NDST3: variants seen among roughly 807,000 people sequenced by gnomAD.
NDST3 encodes the protein N-deacetylase and N-sulfotransferase 3, also known as bifunctional heparan sulfate N-deacetylase/N-sulfotransferase 3.
Under a neutral mutation model 96.1 loss-of-function variants are expected in NDST3, and 58 were observed. That is an observed-to-expected ratio of 0.60 (90% confidence interval 0.49 to 0.75). The LOEUF is 0.75. NDST3 is among the 30% of genes least tolerant of loss of function. NDST3 has a pLI of 0.00. For missense variants in NDST3, 788 were observed against 1,034.2 expected (o/e 0.76, Z 3.27); for synonymous variants, 333 against 359.7 (o/e 0.93, Z 0.84).
chr4:118,223,997 T>C (rs971547887), intron 6 of NDST3, among the ~76,000 whole-genome samples: 1 of 152,190 alleles, frequency 6.6e-6, no homozygotes, highest in Non-Finnish European at 1.5e-5. Context: ...TTTATTTTAT[T>C]ATAAAAAGTT....
chr4:118,173,950 A>C (rs531116562), intron 6 of NDST3, among the ~76,000 whole-genome samples: 2 of 152,164 alleles, frequency 1.3e-5, no homozygotes, highest in Non-Finnish European at 2.9e-5. Flanking sequence ...TATCTACCTA[A>C]CTAAAAGCTG....
At chr4:118,051,941 G>A (rs1725103692) in intron 1 of NDST3, among the ~76,000 whole-genome samples, 1 of 152,090 alleles carries the variant, frequency 6.6e-6, no homozygotes. Context: ...TGGTGGGAAT[G>A]TAAACAAATT....
At chr4:118,077,254 C>T (rs899158606) in intron 2 of NDST3, among the ~76,000 whole-genome samples, 1 of 152,176 alleles carries the variant, frequency 6.6e-6, no homozygotes, top group Non-Finnish European at 1.5e-5. Context: ...AGGATCCATA[C>T]TCATTCACAT....
intron 2 of NDST3, among the ~76,000 whole-genome samples, chr4:118,058,830 A>G (rs934528441): frequency 6.6e-6 from 1 of 152,100 alleles, no homozygotes; most frequent in Admixed American, 6.6e-5. Context: ...TTTACATGAA[A>G]GCACTTCATG....
intron 12 of NDST3, among the ~76,000 whole-genome samples, chr4:118,245,781 C>CTA (rs1741276577): frequency 6.6e-6 from 1 of 151,764 alleles, no homozygotes; most frequent in Non-Finnish European, 1.5e-5. Flanking sequence ...TTTATATGTC[C>CTA]TATATATCTC....
intron 12 of NDST3, among the ~76,000 whole-genome samples, chr4:118,248,639 A>G: frequency 6.6e-6 from 1 of 152,162 alleles, no homozygotes; most frequent in South Asian, 2.1e-4. Flanking sequence ...TTCCTCCAAA[A>G]TGTTCACTGC....
intron 4 of NDST3, among the ~76,000 whole-genome samples, chr4:118,126,425 A>C (rs976960494): frequency 4.6e-5 from 7 of 151,220 alleles, no homozygotes; most frequent in Admixed American, 4.0e-4. Flanking sequence ...CTCCACTTCC[A>C]TCTATATTGT....
chr4:118,217,386 G>A (rs570336380), intron 6 of NDST3, among the ~76,000 whole-genome samples: 2 of 152,154 alleles, frequency 1.3e-5, no homozygotes, highest in South Asian at 4.1e-4. Flanking sequence ...GAGGGCCCGA[G>A]CCAGGGAATT....
intron 2 of NDST3, among the ~76,000 whole-genome samples, chr4:118,083,018 C>A (rs1283736825): frequency 2.0e-5 from 3 of 152,092 alleles, no homozygotes. Context: ...GGAAATCAAC[C>A]CCACATGATT....
At chr4:118,243,487 G>T (rs1207348528) in intron 12 of NDST3, among the ~76,000 whole-genome samples, 1 of 152,294 alleles carries the variant, frequency 6.6e-6, no homozygotes, top group African/African-American at 2.4e-5. Flanking sequence ...AGTACTGTCA[G>T]AGTTTTGTAT....
At chr4:118,238,878 G>A (rs75017173) in intron 10 of NDST3, among the ~76,000 whole-genome samples, 5,949 of 152,250 alleles carry the variant, frequency 0.039, 178 homozygotes, top group African/African-American at 0.085. Flanking sequence ...TCTTAAATAA[G>A]GGAAAGATAC....
chr4:118,152,106 A>G (rs1010341568), intron 6 of NDST3, among the ~76,000 whole-genome samples: 1 of 152,230 alleles, frequency 6.6e-6, no homozygotes, highest in Non-Finnish European at 1.5e-5. Flanking sequence ...TGATTTAAAA[A>G]GAAAAATGAA....
chr4:118,124,295 T>G (rs538661476), intron 4 of NDST3, among the ~76,000 whole-genome samples: 1 of 152,222 alleles, frequency 6.6e-6, no homozygotes, highest in African/African-American at 2.4e-5. Context: ...AGAATGGAAG[T>G]AATGGTGAGA....
chr4:118,252,544 G>A (rs928688033), intron 12 of NDST3, among the ~76,000 whole-genome samples: 1 of 152,172 alleles, frequency 6.6e-6, no homozygotes, highest in Non-Finnish European at 1.5e-5. Flanking sequence ...ATTTTGGTAA[G>A]ATAAAATGTG....
intron 2 of NDST3, among the ~76,000 whole-genome samples, chr4:118,073,875 A>T (rs546182556): frequency 6.6e-6 from 1 of 152,030 alleles, no homozygotes; most frequent in South Asian, 2.1e-4. Context: ...ATGTGATGTT[A>T]CATTTAAGAT....
chr4:118,133,668 T>G (rs953587511), intron 4 of NDST3, among the ~76,000 whole-genome samples: 3 of 152,202 alleles, frequency 2.0e-5, no homozygotes, highest in African/African-American at 7.2e-5. Flanking sequence ...GCCCTCATAA[T>G]TTTTAACTGC....
chr4:118,217,498 C>T (rs1188405813), intron 6 of NDST3, among the ~76,000 whole-genome samples: 8 of 152,030 alleles, frequency 5.3e-5, no homozygotes, highest in African/African-American at 1.7e-4. Context: ...TGATGGAGTA[C>T]AATCTTGAGA....
rs933585622 is a variant in NDST3 at position 118,190,840 on chromosome 4, A to G, written c.1540-33651A>G. ...ATAAGCTCCACAGTCAAATCAAGCA[A>G]GTATCAAATTATATTCAATTGTATT... On this transcript the variant is annotated intron_variant, in intron 6 of 13. Transcript: ENST00000296499. 2.6e-5 allele frequency among the ~76,000 whole-genome samples: 4 copies of G among 152,244 alleles called. No homozygotes were observed. In the East Asian group the frequency reaches 7.7e-4, roughly 29 times the overall value.
At chr4:118,091,829 T>C (rs550034557) in intron 2 of NDST3, among the ~76,000 whole-genome samples, 5 of 151,854 alleles carry the variant, frequency 3.3e-5, no homozygotes, top group Non-Finnish European at 7.4e-5. Flanking sequence ...GTATTATAAT[T>C]GACTTCATTT....
Sources: allele counts gnomAD v4.1 joint callset (sites outside exome capture counted in the v4.1 genomes callset), GRCh38; gene constraint gnomAD v4.1.1; transcripts MANE v1.5; gene names NCBI Gene and HGNC (gene_info 2026-07-23, HGNC 2026-07-21).